SPAG16: variants seen among roughly 807,000 people sequenced by gnomAD.
The protein encoded by SPAG16 is sperm-associated antigen 16 protein.
In SPAG16, 86 loss-of-function variants were observed where a neutral mutation model predicts 80.4. The ratio of observed to expected loss-of-function variants is 1.07; its 90% confidence interval spans 0.90 to 1.28. The LOEUF (loss-of-function observed/expected upper bound fraction) is 1.28, where lower values mean the gene tolerates loss of function less well. SPAG16 is among the 50% of genes most tolerant of loss of function. The pLI, the probability that SPAG16 is intolerant of heterozygous loss-of-function variation, is 0.00. For synonymous variants in SPAG16, 294 were observed against 265.9 expected (o/e 1.11, Z -1.03); for missense variants, 870 against 765.3 (o/e 1.14, Z -1.61).
chr2:213,944,081 T>C (rs2079334487), intron 12 of SPAG16, among the ~76,000 whole-genome samples: 1 of 152,198 alleles, frequency 6.6e-6, no homozygotes, highest in Non-Finnish European at 1.5e-5. Flanking sequence ...CCAGAGTGTA[T>C]GGGCCTGGGG....
In SPAG16 at chr2:213,403,439, A is replaced by C. The variant is rs1234960810; in HGVS notation, c.942+28320A>C. On this transcript the variant is annotated intron_variant, in intron 9 of 15. Coordinates refer to ENST00000331683, the MANE Select transcript of SPAG16 (RefSeq NM_024532.5). The stretch of plus-strand genomic sequence containing the variant: ...AGAAAATGTTATCCAGCATATAAAC[A>C]GAACCAAAGACAAAAACCACCTGAT... 2.0e-5 allele frequency among the ~76,000 whole-genome samples: 3 copies of C among 152,212 alleles called. No individual in the cohort carries two copies. The East Asian group carries it at 5.8e-4, about 29-fold the overall frequency.
chr2:213,800,786 C>T (rs143512813), intron 10 of SPAG16, among the ~76,000 whole-genome samples: 11 of 152,132 alleles, frequency 7.2e-5, no homozygotes, highest in African/African-American at 1.9e-4. Context: ...ATAAACATAA[C>T]GTCCCAATTC....
intron 15 of SPAG16, among the ~76,000 whole-genome samples, chr2:214,245,568 T>C (rs1484815257): frequency 6.6e-6 from 1 of 152,180 alleles, no homozygotes; most frequent in Non-Finnish European, 1.5e-5. Flanking sequence ...AAACATTTTT[T>C]CTTTAAAGAA....
At chr2:213,939,302 T>C (rs1205340882) in intron 12 of SPAG16, among the ~76,000 whole-genome samples, 1 of 152,230 alleles carries the variant, frequency 6.6e-6, no homozygotes, top group Non-Finnish European at 1.5e-5. Flanking sequence ...ACCCTTGCCC[T>C]TGTGGAGCTT....
intron 13 of SPAG16, among the ~76,000 whole-genome samples, chr2:214,091,526 GTAATGTGTTTA>G (rs1234986865): frequency 6.6e-6 from 1 of 152,028 alleles, no homozygotes; most frequent in Non-Finnish European, 1.5e-5. Context: ...CATTCAATCA[GTAATGTGTTTA>G]CAAAGCTGTT....
At chr2:213,671,094 A>G (rs1274325140) in intron 10 of SPAG16, among the ~76,000 whole-genome samples, 1 of 152,242 alleles carries the variant, frequency 6.6e-6, no homozygotes, top group African/African-American at 2.4e-5. Flanking sequence ...CCAAAATGAC[A>G]TAATTTTAAG....
chr2:214,149,876 A>G (rs1261217428), intron 15 of SPAG16, among the ~76,000 whole-genome samples: 1 of 152,206 alleles, frequency 6.6e-6, no homozygotes, highest in East Asian at 1.9e-4. Flanking sequence ...AGCTGATTTT[A>G]TGAACCACAC....
rs527742829 is a variant in SPAG16 at position 213,752,666 on chromosome 2, ACT to A, written c.1071-109816_1071-109815del. 1.7e-4 allele frequency among the ~76,000 whole-genome samples: 26 copies of A among 152,160 alleles called. No individual in the cohort carries two copies. The South Asian group carries it at 4.6e-3, about 27-fold the overall frequency. Reference sequence around the variant, plus strand: ...TTGGTTTTGTATTTGCTGCCTTCTTACTCTTTTTCTCTGCTTTGTATTTTGTG... The same window carrying A: ...TTGGTTTTGTATTTGCTGCCTTCTTACTTTTTCTCTGCTTTGTATTTTGTG... On this transcript the variant is annotated intron_variant, in intron 10 of 15. Transcript: ENST00000331683.
chr2:214,055,691 C>T (rs1412665057), intron 13 of SPAG16, among the ~76,000 whole-genome samples: 1 of 152,010 alleles, frequency 6.6e-6, no homozygotes, highest in Non-Finnish European at 1.5e-5. Context: ...TGGCTGAGTG[C>T]CAACAGTAGC....
At chr2:214,261,700 A>C (rs1389446686) in intron 15 of SPAG16, among the ~76,000 whole-genome samples, 1 of 152,176 alleles carries the variant, frequency 6.6e-6, no homozygotes, top group Non-Finnish European at 1.5e-5. Flanking sequence ...TATTAAGTTA[A>C]ATTTTTCTTT....
At chr2:213,322,820 G>A (rs115775415) in intron 5 of SPAG16, among the ~76,000 whole-genome samples, 268 of 152,180 alleles carry the variant, frequency 1.8e-3, no homozygotes, top group African/African-American at 6.1e-3. Flanking sequence ...AAGAGACTGA[G>A]GGAAAAAGCC....
chr2:213,520,418 C>T (rs927114917), intron 10 of SPAG16, among the ~76,000 whole-genome samples: 3 of 150,194 alleles, frequency 2.0e-5, no homozygotes, highest in Non-Finnish European at 4.4e-5. Context: ...AACCCCGTCT[C>T]TACTAAAAAT....
At chr2:214,037,110 A>C (rs2048737877) in intron 13 of SPAG16, among the ~76,000 whole-genome samples, 1 of 151,904 alleles carries the variant, frequency 6.6e-6, no homozygotes, top group South Asian at 2.1e-4. Context: ...TCATTTAGGC[A>C]TATTCATTTT....
chr2:214,038,361 A>C (rs1397698360), intron 13 of SPAG16, among the ~76,000 whole-genome samples: 1 of 152,126 alleles, frequency 6.6e-6, no homozygotes, highest in Non-Finnish European at 1.5e-5. Flanking sequence ...CTCTTCTGTC[A>C]ATTTCAGTTC....
chr2:213,726,709 C>T (rs752359378), intron 10 of SPAG16, among the ~76,000 whole-genome samples: 1 of 152,166 alleles, frequency 6.6e-6, no homozygotes, highest in Non-Finnish European at 1.5e-5. Context: ...AAGTAAGTGT[C>T]TACTTGGTTT....
intron 15 of SPAG16, chr2:214,238,998 G>GCTAT (rs1461348173): frequency 1.3e-5 from 2 of 152,210 alleles, no homozygotes; most frequent in African/African-American, 4.8e-5. Flanking sequence ...TTGCAGAAAT[G>GCTAT]CTATCTATTA....
intron 11 of SPAG16, among the ~76,000 whole-genome samples, chr2:213,917,712 A>C (rs977317442): frequency 2.0e-5 from 3 of 152,190 alleles, no homozygotes; most frequent in Admixed American, 1.3e-4. Context: ...GAAATACATC[A>C]TCTGGAAACA....
intron 9 of SPAG16, among the ~76,000 whole-genome samples, chr2:213,383,082 G>C (rs190842317): frequency 2.0e-4 from 31 of 152,068 alleles, no homozygotes; most frequent in African/African-American, 7.2e-4. Flanking sequence ...TCTCAATCTT[G>C]TACCCCATTA....
chr2:213,896,689 A>G (rs1575487680), intron 11 of SPAG16, among the ~76,000 whole-genome samples: 1 of 152,000 alleles, frequency 6.6e-6, no homozygotes. Context: ...ATACATATAT[A>G]TGATAGAATA....
Sources: allele counts gnomAD v4.1 joint callset (sites outside exome capture counted in the v4.1 genomes callset), GRCh38; gene constraint gnomAD v4.1.1; transcripts MANE v1.5; gene names NCBI Gene and HGNC (gene_info 2026-07-23, HGNC 2026-07-21).